Variants in OTUD3 observed in about 807,000 individuals in gnomAD.
The protein encoded by OTUD3 is OTU deubiquitinase 3.
In OTUD3, 24 loss-of-function variants were observed where a neutral mutation model predicts 46.2. The ratio of observed to expected loss-of-function variants is 0.52; its 90% CI spans 0.38 to 0.73. The LOEUF is 0.73. OTUD3 is among the 30% of genes least tolerant of loss of function. The probability of loss-of-function intolerance (pLI) is 0.00; values close to 1 mark genes in which losing one functional copy is unlikely to be tolerated. For synonymous variants in OTUD3, 189 were observed against 195.4 expected (o/e 0.97, Z 0.27); for missense variants, 455 against 523.3 (o/e 0.87, Z 1.27).
At chr1:19,901,938 C>T (rs1304431223) in intron 4 of OTUD3, among the ~76,000 whole-genome samples, 4 of 152,112 alleles carry the variant, frequency 2.6e-5, no homozygotes, top group Admixed American at 6.5e-5. Context: ...TAGGTTGTTC[C>T]CACCTTTTGG....
rs1307625738 is a variant in OTUD3, at chr1:19,887,712, C to A, written c.222-2673C>A. On this transcript the variant is annotated intron_variant, in intron 1 of 7. Coordinates refer to ENST00000375120, the MANE Select transcript of OTUD3 (RefSeq NM_015207.2). The stretch of plus-strand genomic sequence containing the variant: ...TGACAGTTGGAGGTATTGATCACGT[C>A]CCCCTGAGCCTTCTTTAGGCCAAAC... Among the ~76,000 whole-genome samples the A allele has an allele frequency of 2.7e-5, 4 of 149,398 alleles. No homozygotes were observed. In the Admixed American group the frequency reaches 2.7e-4, roughly 10 times the overall value.
chr1:19,896,811 C>A (rs2045523873), intron 3 of OTUD3, among the ~76,000 whole-genome samples: 1 of 152,170 alleles, frequency 6.6e-6, no homozygotes, highest in Non-Finnish European at 1.5e-5. Flanking sequence ...CTGTACTGCA[C>A]AACTCTAGGG....
At chr1:19,893,816 C>T (rs1314307805) in intron 2 of OTUD3, among the ~76,000 whole-genome samples, 3 of 152,196 alleles carry the variant, frequency 2.0e-5, no homozygotes, top group Non-Finnish European at 2.9e-5. Flanking sequence ...CTTGTTTGCC[C>T]CTCACTGGTT....
chr1:19,906,077 G>A (rs764528745), intron 6 of OTUD3, among the ~76,000 whole-genome samples: 1 of 152,180 alleles, frequency 6.6e-6, no homozygotes, highest in Non-Finnish European at 1.5e-5. Context: ...ATAGCTGGTG[G>A]CTAATACATT....
At position 19,907,911 on chromosome 1, in the gene OTUD3, G is replaced by C; in HGVS notation, c.*165G>C. On this transcript the variant is annotated 3_prime_UTR_variant, in exon 8 of 8. Coordinates refer to ENST00000375120, the MANE Select transcript of OTUD3 (RefSeq NM_015207.2). ...GTTCAAGCTGCCTCTTTTTTTGTTC[G>C]AAGTTTTATTAGTGATATGTTGGTG... The C allele has an allele frequency of 1.8e-6, 1 of 553,172 alleles. No homozygotes were observed. The highest frequency in any genetic ancestry group is 3.3e-5 in the Admixed American group (1 of 29,946). The allele number at this position is 553,172 out of a possible 1,614,324, so 34.3% of individuals were successfully genotyped here. A position where few individuals can be genotyped will look rare whatever the true frequency, so the allele number is the denominator to read the frequency against.
chr1:19,902,051 A>G (rs2045597456), intron 4 of OTUD3, among the ~76,000 whole-genome samples: 1 of 152,176 alleles, frequency 6.6e-6, no homozygotes, highest in African/African-American at 2.4e-5. Flanking sequence ...GCTGGGTCAT[A>G]TGATAAACCT....
chr1:19,899,332 C>T (rs2045557740), intron 4 of OTUD3, among the ~76,000 whole-genome samples: 1 of 152,158 alleles, frequency 6.6e-6, no homozygotes, highest in Non-Finnish European at 1.5e-5. Flanking sequence ...TTTTTACTCT[C>T]CCCACCACTA....
chr1:19,904,427 T>G (rs1444673933), intron 5 of OTUD3, 29 bp downstream of exon 5: 1 of 1,597,942 alleles, frequency 6.3e-7, no homozygotes, highest in South Asian at 1.1e-5. Context: ...CAGGAATGAT[T>G]TAGAAGCAAG....
At chr1:19,895,520 A>G (rs1249932248) in intron 3 of OTUD3, among the ~76,000 whole-genome samples, 4 of 152,228 alleles carry the variant, frequency 2.6e-5, no homozygotes, top group African/African-American at 9.6e-5. Flanking sequence ...ATGTCATATT[A>G]AAGAATGCAG....
intron 1 of OTUD3, among the ~76,000 whole-genome samples, chr1:19,884,636 A>G (rs973045384): frequency 6.6e-6 from 1 of 152,234 alleles, no homozygotes; most frequent in Admixed American, 6.5e-5. Context: ...AAGTTAAAAC[A>G]CAAGAATACA....
At chr1:19,884,554 A>G (rs2045328185) in intron 1 of OTUD3, among the ~76,000 whole-genome samples, 1 of 152,234 alleles carries the variant, frequency 6.6e-6, no homozygotes, top group South Asian at 2.1e-4. Flanking sequence ...CATTCTTAAA[A>G]ATTACTGAGA....
At chr1:19,892,008 G>GT (rs2045453947) in intron 2 of OTUD3, among the ~76,000 whole-genome samples, 1 of 152,196 alleles carries the variant, frequency 6.6e-6, no homozygotes, top group African/African-American at 2.4e-5. Flanking sequence ...GATGAAACGG[G>GT]TTTTTAGTTT....
chr1:19,888,900 A>C (rs1261456731), intron 1 of OTUD3, among the ~76,000 whole-genome samples: 1 of 152,210 alleles, frequency 6.6e-6, no homozygotes, highest in Non-Finnish European at 1.5e-5. Flanking sequence ...TTCTACACCT[A>C]CTTTTTTGGA....
At chr1:19,906,691 AT>A (rs1431796278) in intron 7 of OTUD3, 75 bp downstream of exon 7, 1 of 1,260,430 alleles carries the variant, frequency 7.9e-7, no homozygotes, top group African/African-American at 1.5e-5. Flanking sequence ...CTTGAGATTA[AT>A]TTTATTTGTA....
chr1:19,908,816 T>C lies in OTUD3; in HGVS notation c.*1070T>C, dbSNP rs543232708. ...AAAATGCTACATTTATTTCTTTTTA[T>C]TTAAGCCCTGTTTGGCATTTCAAAG... On this transcript the variant is annotated 3_prime_UTR_variant, in exon 8 of 8. Transcript: ENST00000375120. 6.6e-6 allele frequency: 1 copy of C among 152,512 alleles called. No individual in the cohort carries two copies. The highest frequency in any genetic ancestry group is 2.1e-4 in the South Asian group (1 of 4,830). 9.4% of individuals were successfully genotyped at this position (152,512 alleles called of 1,614,324 possible).
chr1:19,882,446 C>G lies in OTUD3; in HGVS notation c.-68C>G, dbSNP rs958201459. The G allele has an allele frequency of 7.6e-6, 10 of 1,319,370 alleles. No homozygotes were observed. In the Admixed American group the frequency reaches 3.6e-4, roughly 48 times the overall value. The allele number at this position is 1,319,370 out of a possible 1,614,324, so 81.7% of individuals were successfully genotyped here. On this transcript the variant is annotated 5_prime_UTR_variant, in exon 1 of 8. Transcript: ENST00000375120. Reference sequence around the variant, plus strand: ...TGCCCGCGCTGTTTTACCTTCCCAACGCTTGAGGCGGACGCTGGGGGGTCC... The same window carrying G: ...TGCCCGCGCTGTTTTACCTTCCCAAGGCTTGAGGCGGACGCTGGGGGGTCC...
intron 1 of OTUD3, among the ~76,000 whole-genome samples, chr1:19,888,855 A>C (rs546949248): frequency 3.5e-4 from 54 of 152,362 alleles, no homozygotes; most frequent in African/African-American, 1.1e-3. Flanking sequence ...TATAGTGTAC[A>C]GATGAACTTG....
rs2045639033 is a variant in OTUD3, at chr1:19,904,999, A to G, written c.835+12A>G. 2.3e-6 allele frequency: 3 copies of G among 1,297,298 alleles called. No homozygotes were observed. The highest frequency in any genetic ancestry group is 2.2e-6 in the Non-Finnish European group (2 of 908,654). 80.4% of individuals were successfully genotyped at this position (1,297,298 alleles called of 1,614,324 possible). ...AGGGAAGAGAAATAGTAAGTCCATG[A>G]CTAATATTTATAGATCTTCAAAATG... On this transcript the variant is annotated intron_variant, in intron 6 of 7. Coordinates refer to ENST00000375120, the MANE Select transcript of OTUD3 (RefSeq NM_015207.2).
At chr1:19,903,248 C>G (rs1317157185) in intron 4 of OTUD3, among the ~76,000 whole-genome samples, 1 of 151,820 alleles carries the variant, frequency 6.6e-6, no homozygotes. Context: ...GACGGGATGT[C>G]ACTTTGTTGC....
Sources: gnomAD v4.1 joint callset for allele counts (sites outside exome capture counted in the v4.1 genomes callset) on GRCh38, gnomAD v4.1.1 for gene constraint, MANE v1.5 for transcripts, NCBI Gene and HGNC (gene_info 2026-07-23, HGNC 2026-07-21) for gene names.